The following GNPDA2 variants were observed in gnomAD, a reference collection of about 807,000 sequenced individuals.
GNPDA2 encodes the protein glucosamine-6-phosphate deaminase 2, also known as glcN6P deaminase 2.
In GNPDA2, 24 loss-of-function variants were observed where a neutral mutation model predicts 27.0. The observed-to-expected ratio is 0.89, with a 90% CI of 0.64 to 1.25. The LOEUF is 1.25. Ranked by LOEUF, GNPDA2 falls within the 50% of genes most tolerant of loss-of-function variation. GNPDA2 has a pLI of 0.00. For synonymous variants in GNPDA2, 94 were observed against 108.4 expected (o/e 0.87, Z 0.83); for missense variants, 286 against 335.1 (o/e 0.85, Z 1.14).
chr4:44,715,025 T>G (rs910470017), intron 4 of GNPDA2, among the ~76,000 whole-genome samples: 34 of 152,160 alleles, frequency 2.2e-4, no homozygotes, highest in African/African-American at 7.0e-4. Flanking sequence ...TTTTTAGTGG[T>G]GTCAGTGATA....
chr4:44,703,048 GTTCA>G lies in GNPDA2; in HGVS notation c.*29_*32del. 2 of 1,609,218 alleles carry G rather than the reference GTTCA, an allele frequency of 1.2e-6. No individual in the cohort carries two copies. The highest frequency in any genetic ancestry group is 8.5e-7 in the Non-Finnish European group (1 of 1,178,202). ...TCTACTACTTAGTAAAAAGTGCTCTGTTCATTCAAGCTGAATTTTGCTCCAGTCT... is the reference window on the plus strand; with the variant it reads ...TCTACTACTTAGTAAAAAGTGCTCTGTTCAAGCTGAATTTTGCTCCAGTCT... On this transcript the variant is annotated 3_prime_UTR_variant, in exon 7 of 7. Transcript: ENST00000295448.
rs149205173 is a variant in GNPDA2 at position 44,718,956 on chromosome 4, G to C, written c.125-546C>G. On this transcript the variant is annotated intron_variant, in intron 2 of 6. Coordinates refer to ENST00000295448, the MANE Select transcript of GNPDA2 (RefSeq NM_138335.3). ...CTTTTGATAACTTCAGCATGCATCA[G>C]CTAAAATGTGTAAGGTGAGAAAAAG... Among the ~76,000 whole-genome samples, 205 of 152,016 alleles carry C rather than the reference G, an allele frequency of 1.3e-3. 1 individual carries two copies. Among genetic ancestry groups the C allele is most frequent in the African/African-American group, 4.4e-3 (183 of 41,542 alleles).
intron 1 of GNPDA2, among the ~76,000 whole-genome samples, chr4:44,725,522 A>C (rs1717955407): frequency 6.6e-6 from 1 of 152,214 alleles, no homozygotes; most frequent in African/African-American, 2.4e-5. Flanking sequence ...ATTTGTTAAG[A>C]ACACCACACA....
intron 1 of GNPDA2, among the ~76,000 whole-genome samples, chr4:44,725,504 C>A (rs1717953836): frequency 6.6e-6 from 1 of 152,162 alleles, no homozygotes; most frequent in South Asian, 2.1e-4. Flanking sequence ...TATTCATAAT[C>A]AGGTGAAATT....
At chr4:44,721,261 G>A (rs1717648957) in intron 2 of GNPDA2, among the ~76,000 whole-genome samples, 1 of 152,082 alleles carries the variant, frequency 6.6e-6, no homozygotes, top group Non-Finnish European at 1.5e-5. Context: ...AAACACACGG[G>A]AACTATAAAT....
In GNPDA2 at chr4:44,709,151, A is replaced by G. The variant is rs532851137; in HGVS notation, c.595-1225T>C. The stretch of plus-strand genomic sequence containing the variant: ...CAAGAAATCTCAACATGAAGTATAT[A>G]TACTGAGGAAAAAAAAGACAACTAA... On this transcript the variant is annotated intron_variant, in intron 5 of 6. Coordinates refer to ENST00000295448, the MANE Select transcript of GNPDA2 (RefSeq NM_138335.3). 3.3e-5 allele frequency among the ~76,000 whole-genome samples: 5 copies of G among 152,238 alleles called. No individual in the cohort carries two copies. The South Asian group carries it at 1.0e-3, about 32-fold the overall frequency.
rs1716312545 is a variant in GNPDA2, at chr4:44,702,187, T to C, written c.*894A>G. 5 of 859,898 alleles carry C rather than the reference T, an allele frequency of 5.8e-6. No homozygotes were observed. The South Asian group carries it at 1.6e-4, about 28-fold the overall frequency. 53.3% of individuals were successfully genotyped at this position (859,898 alleles called of 1,614,324 possible). A position where few individuals can be genotyped will look rare whatever the true frequency, so the allele number is the denominator to read the frequency against. ...TTACACGCTTTATTTGAGTTAAAGA[T>C]AAAAAACAATATACTTTTATGTAAA... On this transcript the variant is annotated 3_prime_UTR_variant, in exon 7 of 7. Transcript: ENST00000295448.
Position 44,718,330 on chromosome 4 carries a change from A to T in GNPDA2, c.205T>A (p.Phe69Ile). 2 of 1,291,794 alleles carry T rather than the reference A, an allele frequency of 1.5e-6. No individual in the cohort carries two copies. Among genetic ancestry groups the T allele is most frequent in the South Asian group, 1.4e-5 (1 of 73,176 alleles). The allele number at this position is 1,291,794 out of a possible 1,614,324, so 80.0% of individuals were successfully genotyped here. A position where few individuals can be genotyped will look rare whatever the true frequency, so the allele number is the denominator to read the frequency against. The change falls in exon 3 of 7, where the codon TTT (phenylalanine) becomes ATT (isoleucine). Residue 69 changes from phenylalanine (F) to isoleucine (I), a missense_variant. Transcript: ENST00000295448. The part of the protein sequence containing the change: ...GHLSFKYVKT[F>I]NMDEYVGLPR... ...TTACCTACATATTCATCCATATTAAAGGTCTTCACATATTTAAAAGAAAGG... is the reference window on the plus strand; with the variant it reads ...TTACCTACATATTCATCCATATTAATGGTCTTCACATATTTAAAAGAAAGG...
At chr4:44,718,148 T>G (rs1717429107) in intron 3 of GNPDA2, among the ~76,000 whole-genome samples, 161 bp downstream of exon 3, 1 of 151,842 alleles carries the variant, frequency 6.6e-6, no homozygotes, top group Admixed American at 6.6e-5. Flanking sequence ...TTAAATAAAC[T>G]CCCAATCTCA....
At chr4:44,723,535 T>C (rs368775651) in intron 1 of GNPDA2, among the ~76,000 whole-genome samples, 1 of 152,194 alleles carries the variant, frequency 6.6e-6, no homozygotes, top group East Asian at 1.9e-4. Context: ...CTTAAGATGA[T>C]GGCCTCCAGT....
intron 1 of GNPDA2, among the ~76,000 whole-genome samples, chr4:44,726,199 C>T (rs1718009030): frequency 1.3e-5 from 2 of 152,072 alleles, no homozygotes; most frequent in South Asian, 4.1e-4. Flanking sequence ...GAATTTTTAA[C>T]GAGTGTAGAG....
intron 4 of GNPDA2, chr4:44,714,471 GAATGAGCAATAGCAGATT>G (rs937465664): frequency 7.1e-6 from 7 of 985,058 alleles, no homozygotes; most frequent in Non-Finnish European, 8.4e-6. Flanking sequence ...TAATTCCCTG[GAATGAGCAATAGCAGATT>G]AACATTTTTG....
chr4:44,726,218 CAAG>C (rs1367014221), intron 1 of GNPDA2, among the ~76,000 whole-genome samples: 4 of 146,520 alleles, frequency 2.7e-5, no homozygotes, highest in African/African-American at 2.5e-5. Flanking sequence ...AGAGAGGTGT[CAAG>C]AAGAAGCCGC....
chr4:44,720,445 A>G (rs1717593032), intron 2 of GNPDA2, among the ~76,000 whole-genome samples: 1 of 152,128 alleles, frequency 6.6e-6, no homozygotes. Context: ...CTATTCTTGA[A>G]CTGCAAGCAG....
intron 1 of GNPDA2, among the ~76,000 whole-genome samples, chr4:44,724,660 T>G (rs116223716): frequency 6.6e-6 from 1 of 152,144 alleles, no homozygotes; most frequent in Non-Finnish European, 1.5e-5. Flanking sequence ...ACACTTTACA[T>G]AGAGTAATAA....
intron 1 of GNPDA2, among the ~76,000 whole-genome samples, chr4:44,723,670 G>A (rs1434041982): frequency 6.6e-6 from 1 of 151,976 alleles, no homozygotes; most frequent in Non-Finnish European, 1.5e-5. Context: ...TGCTACTGTT[G>A]TTATTGGAAG....
In GNPDA2 at chr4:44,702,636, G is replaced by C; in HGVS notation, c.*445C>G. On this transcript the variant is annotated 3_prime_UTR_variant, in exon 7 of 7. Coordinates refer to ENST00000295448, the MANE Select transcript of GNPDA2 (RefSeq NM_138335.3). ...ACCACGTGCAGAAAAGCATGTGTGT[G>C]ATGCACAGAAAATATAAAGATTGCA... is the stretch of plus-strand genomic sequence containing the variant. The C allele has an allele frequency of 9.9e-7, 1 of 1,012,924 alleles. No homozygotes were observed. The highest frequency in any genetic ancestry group is 1.2e-6 in the Non-Finnish European group (1 of 848,992). 62.7% of individuals were successfully genotyped at this position (1,012,924 alleles called of 1,614,324 possible).
intron 4 of GNPDA2, 105 bp downstream of exon 4, chr4:44,717,008 C>T (rs191082890): frequency 9.5e-5 from 65 of 686,134 alleles, no homozygotes; most frequent in Non-Finnish European, 1.5e-4. Flanking sequence ...TACGGACAGC[C>T]ACAGGTGCTC....
intron 6 of GNPDA2, chr4:44,704,859 G>GA: frequency 2.0e-6 from 2 of 983,964 alleles, no homozygotes. Context: ...CAAAGTAAGA[G>GA]AAAAAAATTC....
Sources: gnomAD v4.1 joint callset for allele counts (sites outside exome capture counted in the v4.1 genomes callset) on GRCh38, gnomAD v4.1.1 for gene constraint, MANE v1.5 for transcripts, NCBI Gene and HGNC (gene_info 2026-07-23, HGNC 2026-07-21) for gene names.